CROCC: variants seen among roughly 807,000 people sequenced by gnomAD.
CROCC encodes rootletin.
In CROCC, 180 loss-of-function variants were observed where a neutral mutation model predicts 245.2. The ratio of observed to expected loss-of-function variants is 0.73; its 90% confidence interval spans 0.65 to 0.83. The LOEUF is 0.83. Ranked by LOEUF, CROCC falls within the 40% of genes least tolerant of loss-of-function variation. The pLI is 0.00. For missense variants in CROCC, 2,688 were observed against 2,779.4 expected, an observed-to-expected ratio of 0.97 and a Z score of 0.74; for synonymous variants, 1,205 against 1,241.6, an observed-to-expected ratio of 0.97 and a Z score of 0.62.
At chr1:16,919,089 A>T (rs1378811461), upstream of CROCC, among the ~76,000 whole-genome samples, 1 of 152,288 alleles carries the variant, frequency 6.6e-6, no homozygotes, top group African/African-American at 2.4e-5. Context: ...CAACTTGGCA[A>T]CATTTATCTT....
chr1:16,966,154 C>A lies in CROCC; in HGVS notation c.4696+35C>A. 1 of 1,589,148 alleles carries A rather than the reference C, an allele frequency of 6.3e-7. No homozygotes were observed. Among genetic ancestry groups the A allele is most frequent in the South Asian group, 1.1e-5 (1 of 87,928 alleles). ...ATCCTCGGGGTCCCTGTTCTCTCTC[C>A]TGTGTTTTGGGCAGTTGAGGCAGGA... is the stretch of plus-strand genomic sequence containing the variant. On this transcript the variant is annotated intron_variant, in intron 29 of 36. Coordinates refer to ENST00000375541, the MANE Select transcript of CROCC (RefSeq NM_014675.5). This position sits in a 1 kb window ranked among gnomAD's most constrained non-coding sequence, Gnocchi z 4.8.
intron 1 of CROCC, among the ~76,000 whole-genome samples, chr1:16,915,612 C>T (rs1384045316): frequency 3.3e-5 from 5 of 152,020 alleles, no homozygotes; most frequent in Non-Finnish European, 7.4e-5. Flanking sequence ...TGCACTCCAG[C>T]CTGGAAAACA....
In CROCC at chr1:16,948,367, G is replaced by C. The variant is rs1487302887; in HGVS notation, c.2551G>C (p.Glu851Gln). ...RQLSGREQEL[E>Q]QARREAQRQV... ...GCTGAGCGGGCGGGAGCAGGAGCTG[G>C]AGCAGGCCCGGCGGGAGGCCCAGCG... The change falls in exon 18 of 37, where the codon GAG becomes CAG. Residue 851 changes from glutamate to glutamine, a missense_variant. By Grantham distance (29) the Glu-to-Gln change is conservative. Coordinates refer to ENST00000375541, the MANE Select transcript of CROCC (RefSeq NM_014675.5). 5.1e-6 allele frequency: 8 copies of C among 1,579,518 alleles called. No individual in the cohort carries two copies. In the African/African-American group the frequency reaches 8.0e-5, roughly 16 times the overall value.
At chr1:16,946,130 A>T in intron 15 of CROCC, 129 bp from the exon 16 acceptor site, 2 of 1,078,864 alleles carry the variant, frequency 1.9e-6, no homozygotes, top group Non-Finnish European at 2.6e-6. Context: ...TTTCCATCTC[A>T]CACTGTGTCC....
At chr1:16,940,605 A>C (rs1303566468) in intron 13 of CROCC, among the ~76,000 whole-genome samples, 1 of 152,138 alleles carries the variant, frequency 6.6e-6, no homozygotes, top group East Asian at 1.9e-4. Context: ...GGCCAGGCTG[A>C]TCTTGAACTC....
chr1:16,947,861 CAG>C (rs1340769037), intron 17 of CROCC, among the ~76,000 whole-genome samples: 1 of 152,162 alleles, frequency 6.6e-6, no homozygotes, highest in Non-Finnish European at 1.5e-5. Context: ...TTTTTCCAGA[CAG>C]AGTCTTGCTC....
chr1:16,919,005 G>A (rs1208627286), upstream of CROCC, among the ~76,000 whole-genome samples: 2 of 152,288 alleles, frequency 1.3e-5, no homozygotes, highest in East Asian at 3.8e-4. Flanking sequence ...CCAGTGTTGG[G>A]ATTACAGGCA....
At chr1:16,938,246 G>A (rs1320362380) in intron 10 of CROCC, among the ~76,000 whole-genome samples, 154 bp from the exon 11 acceptor site, 1 of 152,282 alleles carries the variant, frequency 6.6e-6, no homozygotes, top group Non-Finnish European at 1.5e-5. Context: ...TTCAGTGAGG[G>A]CCTCGGGCCT....
At chr1:16,939,232 C>A in intron 12 of CROCC, 90 bp downstream of exon 12, 2 of 967,660 alleles carry the variant, frequency 2.1e-6, no homozygotes, top group South Asian at 2.4e-5. Context: ...GGGGGCAGGT[C>A]CGGGGCCAGG....
intron 3 of CROCC, among the ~76,000 whole-genome samples, chr1:16,927,307 G>A (rs528216441): frequency 2.7e-4 from 41 of 152,332 alleles, no homozygotes; most frequent in Admixed American, 2.2e-3. Flanking sequence ...GACACAGCAC[G>A]CTATCTCCCA....
At chr1:16,940,799 T>C (rs1183767948) in intron 13 of CROCC, 1 of 334,912 alleles carries the variant, frequency 3.0e-6, no homozygotes, top group Admixed American at 3.8e-5. Context: ...CCATCACAGC[T>C]CACTGTAACC....
chr1:16,958,638 A>G lies in CROCC; in HGVS notation c.3920A>G (p.Gln1307Arg), dbSNP rs1330530206. The change falls in exon 26 of 37, where the codon CAG becomes CGG. Residue 1307 changes from glutamine to arginine, a missense_variant. This residue lies in a region of CROCC where 1,218 missense variants were observed against 1,286.3 expected (regional missense o/e 0.95). Coordinates refer to ENST00000375541, the MANE Select transcript of CROCC (RefSeq NM_014675.5). ...CTGGGCCGGGAGCTGGCGGAGCTGC[A>G]GGGCCGCCTGGCGCTGGGCGAGCGG... The part of the protein sequence containing the change: ...TRLGRELAEL[Q>R]GRLALGERAE... 9 of 1,556,052 alleles carry G rather than the reference A, an allele frequency of 5.8e-6. No individual in the cohort carries two copies. Among genetic ancestry groups the G allele is most frequent in the Admixed American group, 1.9e-5 (1 of 51,534 alleles).
chr1:16,947,468 C>CAATAATAGT (rs1553157027), intron 17 of CROCC, among the ~76,000 whole-genome samples: 2 of 147,466 alleles, frequency 1.4e-5, no homozygotes, highest in Non-Finnish European at 3.0e-5. Flanking sequence ...GACTCCGTCT[C>CAATAATAGT]AATAATAATA....
In CROCC at chr1:16,970,722, T is replaced by C; in HGVS notation, c.5739T>C (p.Ala1913=). The C allele has an allele frequency of 6.2e-7, 1 of 1,605,340 alleles. No individual in the cohort carries two copies. Among genetic ancestry groups the C allele is most frequent in the Non-Finnish European group, 8.5e-7 (1 of 1,176,508 alleles). The change falls in exon 35 of 37, where the codon GCT becomes GCC. Residue 1913 remains alanine (A), a synonymous_variant. Transcript: ENST00000375541. ...KGRLDRTLTG[A]ELELAEAQRQ... is the part of the protein sequence containing the mutation. ...GCCTGGACCGCACCCTCACGGGGGCTGAGCTGGAGCTGGCAGAGGCGCAGA... is the reference window on the plus strand; with the variant it reads ...GCCTGGACCGCACCCTCACGGGGGCCGAGCTGGAGCTGGCAGAGGCGCAGA...
intron 3 of CROCC, 97 bp downstream of exon 3, chr1:16,924,576 C>A: frequency 6.7e-7 from 1 of 1,485,458 alleles, no homozygotes; most frequent in Non-Finnish European, 9.1e-7. Context: ...AAAAGATGGG[C>A]CCTGGAGTCA....
rs1295394284 is a variant in CROCC at position 16,921,991 on chromosome 1, C to A, written c.-28C>A. The A allele has an allele frequency of 1.9e-6, 3 of 1,543,008 alleles. No individual in the cohort carries two copies. In the Admixed American group the frequency reaches 5.9e-5, roughly 30 times the overall value. ...AGTCTTGGGGTCCTGGAGAAGGGGG[C>A]TGGAGGCATGCCCACAGCCTCCCCC... On this transcript the variant is annotated 5_prime_UTR_variant, in exon 1 of 37. It adds an upstream start codon to the 5' untranslated region. Transcript: ENST00000375541.
Position 16,969,911 on chromosome 1 carries a change from G to A in CROCC, c.5428G>A (p.Gly1810Ser), listed in dbSNP as rs78674327. Residue 1810 changes from glycine (G) to serine (S), a missense_variant, in exon 33 of 37, where the codon GGC becomes AGC. Transcript: ENST00000375541. ...DLELQRVEAE[G>S]QLQQLREVLR... The stretch of plus-strand genomic sequence containing the variant: ...GGAACTGCAGCGGGTGGAGGCCGAG[G>A]GCCAGCTACAACAGCTACGGGAGGT... 9.5e-4 allele frequency: 1,525 copies of A among 1,604,652 alleles called. 18 individuals are homozygous for A. The African/African-American group carries it at 0.019, about 20-fold the overall frequency.
Position 16,953,330 on chromosome 1 carries a change from A to T in CROCC, c.3035A>T (p.Glu1012Val). 1 of 1,597,296 alleles carries T rather than the reference A, an allele frequency of 6.3e-7. No homozygotes were observed. ...KEAAWRELEA[E>V]RAQLQSQLQR... is the part of the protein sequence containing the mutation. Reference sequence around the variant, plus strand: ...GCAGCATGGCGGGAGCTGGAGGCCGAGCGGGCCCAGCTGCAGAGTCAGCTG... The same window carrying T: ...GCAGCATGGCGGGAGCTGGAGGCCGTGCGGGCCCAGCTGCAGAGTCAGCTG... Residue 1012 changes from glutamate (E) to valine (V), a missense_variant, in exon 21 of 37, where the codon GAG (glutamate) becomes GTG (valine). Coordinates refer to ENST00000375541, the MANE Select transcript of CROCC (RefSeq NM_014675.5).
At position 16,954,971 on chromosome 1, in the gene CROCC, T is replaced by C; in HGVS notation, c.3465+94T>C. The C allele has an allele frequency of 7.2e-7, 1 of 1,387,004 alleles. No individual in the cohort carries two copies. The highest frequency in any genetic ancestry group is 9.5e-7 in the Non-Finnish European group (1 of 1,048,818). The allele number at this position is 1,387,004 out of a possible 1,614,324, so 85.9% of individuals were successfully genotyped here. On this transcript the variant is annotated intron_variant, in intron 23 of 36. Coordinates refer to ENST00000375541, the MANE Select transcript of CROCC (RefSeq NM_014675.5). This position sits in a 1 kb window ranked among gnomAD's most constrained non-coding sequence, Gnocchi z 4.4. ...CCCAGGGCCCCAGAAGAGTGTAAGATTCCTCCCTGCATTTGAGGACCAATG... is the reference window on the plus strand; with the variant it reads ...CCCAGGGCCCCAGAAGAGTGTAAGACTCCTCCCTGCATTTGAGGACCAATG...
Sources: gnomAD v4.1 joint callset for allele counts (sites outside exome capture counted in the v4.1 genomes callset) on GRCh38, gnomAD v4.1.1 for gene constraint, gnomAD v4.1.1 regional missense constraint, Gnocchi (gnomAD v3.1) non-coding constraint, MANE v1.5 for transcripts, NCBI Gene and HGNC (gene_info 2026-07-23, HGNC 2026-07-21) for gene names.